KPNA2: variants seen among roughly 807,000 people sequenced by gnomAD.
KPNA2 encodes karyopherin subunit alpha 2.
In KPNA2, 20 loss-of-function variants were observed where a neutral mutation model predicts 53.7. The observed-to-expected ratio is 0.37, with a 90% CI of 0.26 to 0.54. The LOEUF (loss-of-function observed/expected upper bound fraction) is 0.54, where lower values mean the gene tolerates loss of function less well. Among genes scored for constraint, KPNA2 ranks in the 20% least tolerant of loss-of-function variants. The probability of loss-of-function intolerance (pLI) is 0.83; values close to 1 mark genes in which losing one functional copy is unlikely to be tolerated. For missense variants in KPNA2, 515 were observed against 640.3 expected (o/e 0.80, Z 2.11); for synonymous variants, 238 against 227.5 (o/e 1.05, Z -0.42).
intron 5 of KPNA2, 44 bp from the exon 6 acceptor site, chr17:68,042,861 C>G: frequency 8.4e-7 from 1 of 1,192,086 alleles, no homozygotes; most frequent in South Asian, 1.3e-5. Flanking sequence ...GAAACTCCGT[C>G]TCAAAAAAAA....
intron 4 of KPNA2, 83 bp from the exon 5 acceptor site, chr17:68,042,002 G>T: frequency 2.5e-6 from 3 of 1,220,356 alleles, no homozygotes; most frequent in South Asian, 2.9e-5. Context: ...CTAAACTCTT[G>T]AATTGCATTT....
chr17:68,040,596 A>G, intron 3 of KPNA2, 82 bp from the exon 4 acceptor site: 3 of 901,908 alleles, frequency 3.3e-6, no homozygotes, highest in Non-Finnish European at 5.5e-6. Flanking sequence ...CGATGTTTAC[A>G]CTTGCCTTCA....
intron 3 of KPNA2, among the ~76,000 whole-genome samples, chr17:68,040,272 T>G (rs960817398): frequency 1.5e-4 from 23 of 150,536 alleles, no homozygotes; most frequent in Admixed American, 5.9e-4. Flanking sequence ...TTTTTTTTTT[T>G]TTTTTTTTTT....
At chr17:68,043,420 G>A in intron 7 of KPNA2, 57 bp downstream of exon 7, 1 of 1,552,642 alleles carries the variant, frequency 6.4e-7, no homozygotes, top group Non-Finnish European at 8.8e-7. Flanking sequence ...TCAGGGCTGG[G>A]CGTGGTAGTG....
chr17:68,042,607 G>T (rs750500137), intron 5 of KPNA2, among the ~76,000 whole-genome samples: 1 of 152,184 alleles, frequency 6.6e-6, no homozygotes, highest in East Asian at 1.9e-4. Context: ...CCTCGGCCGG[G>T]CATGGTGGCT....
intron 9 of KPNA2, among the ~76,000 whole-genome samples, chr17:68,045,228 C>A (rs2071314396): frequency 6.6e-6 from 1 of 151,928 alleles, no homozygotes; most frequent in Non-Finnish European, 1.5e-5. Context: ...TGAAGCAAAT[C>A]TGTTTTTTTC....
intron 3 of KPNA2, among the ~76,000 whole-genome samples, chr17:68,038,407 G>C (rs187804980): frequency 6.6e-6 from 1 of 152,068 alleles, no homozygotes; most frequent in African/African-American, 2.4e-5. Context: ...GGCCCTTCCC[G>C]TTTTTGGTTT....
rs2071331901 is a variant in KPNA2, at chr17:68,046,443, G to A, written c.1498-61G>A. ...ACCTAGAGATTAAATACAGACTTCA[G>A]GTAGGCTGCTGCTTGGAATACTTAT... is the stretch of plus-strand genomic sequence containing the variant. On this transcript the variant is annotated intron_variant, in intron 10 of 10. Coordinates refer to ENST00000330459, the MANE Select transcript of KPNA2 (RefSeq NM_002266.4). 6 of 1,000,916 alleles carry A rather than the reference G, an allele frequency of 6.0e-6. No individual in the cohort carries two copies. In the Admixed American group the frequency reaches 1.1e-4, roughly 19 times the overall value. 62.0% of individuals were successfully genotyped at this position (1,000,916 alleles called of 1,614,324 possible). A position where few individuals can be genotyped will look rare whatever the true frequency, so the allele number is the denominator to read the frequency against.
chr17:68,045,766 T>G lies in KPNA2; in HGVS notation c.1348-6T>G, dbSNP rs1555705316. ...GCCAGTAAACTTGGATTTTTTTTTT[T>G]TTTAGGCTGCTGAGAAACTAGGTGA... On this transcript the variant is annotated splice_polypyrimidine_tract_variant and splice_region_variant and intron_variant, in intron 9 of 10. Coordinates refer to ENST00000330459, the MANE Select transcript of KPNA2 (RefSeq NM_002266.4). 2 of 1,538,978 alleles carry G rather than the reference T, an allele frequency of 1.3e-6. No individual in the cohort carries two copies. Among genetic ancestry groups the G allele is most frequent in the South Asian group, 2.5e-5 (2 of 80,338 alleles).
chr17:68,036,444 C>G (rs1555703762), intron 1 of KPNA2: 1 of 152,216 alleles, frequency 6.6e-6, no homozygotes, highest in African/African-American at 2.4e-5. Context: ...AATGATGAAG[C>G]AAATTTTTAT....
At chr17:68,036,849 G>A (rs1427374193) in intron 1 of KPNA2, 3 of 277,190 alleles carry the variant, frequency 1.1e-5, no homozygotes, top group Admixed American at 5.4e-5. Flanking sequence ...TAAAAATATG[G>A]CTACTAGGAA....
At chr17:68,038,207 C>G (rs2071213685) in intron 3 of KPNA2, among the ~76,000 whole-genome samples, 1 of 152,156 alleles carries the variant, frequency 6.6e-6, no homozygotes, top group African/African-American at 2.4e-5. Context: ...GATCTCCTGA[C>G]CTCGTGATCC....
In KPNA2 at chr17:68,038,851, C is replaced by T. The variant is rs189038178; in HGVS notation, c.213+1356C>T. On this transcript the variant is annotated intron_variant, in intron 3 of 10. Coordinates refer to ENST00000330459, the MANE Select transcript of KPNA2 (RefSeq NM_002266.4). ...TAGGCAACATAGGAAGACCTCGTCTCTATAAAAAGTAAAGTTAGCTGGGTG... is the reference window on the plus strand; with the variant it reads ...TAGGCAACATAGGAAGACCTCGTCTTTATAAAAAGTAAAGTTAGCTGGGTG... 2.0e-5 allele frequency among the ~76,000 whole-genome samples: 3 copies of T among 152,294 alleles called. 1 individual carries two copies. Among genetic ancestry groups the T allele is most frequent in the Non-Finnish European group, 4.4e-5 (3 of 68,014 alleles).
chr17:68,042,047 C>T (rs746342596), intron 4 of KPNA2, 38 bp from the exon 5 acceptor site: 1 of 1,553,114 alleles, frequency 6.4e-7, no homozygotes, highest in Non-Finnish European at 8.8e-7. Context: ...TTTTGTTAAT[C>T]ACTGTCAACT....
chr17:68,042,274 C>A lies in KPNA2; in HGVS notation c.492C>A (p.Ile164=). 1 of 1,614,120 alleles carries A rather than the reference C, an allele frequency of 6.2e-7. No individual in the cohort carries two copies. Residue 164 remains isoleucine (I), a synonymous_variant, in exon 5 of 11, where the codon ATC becomes ATA. Coordinates refer to ENST00000330459, the MANE Select transcript of KPNA2 (RefSeq NM_002266.4). ...QTKAVVDGGA[I]PAFISLLASP... ...AGGCTGTGGTAGATGGAGGTGCCAT[C>A]CCAGCATTCATTTCTCTGTTGGCAT...
Position 68,043,336 on chromosome 17 carries a change from T to C in KPNA2, c.903T>C (p.Leu301=). 1 of 1,614,090 alleles carries C rather than the reference T, an allele frequency of 6.2e-7. No individual in the cohort carries two copies. Among genetic ancestry groups the C allele is most frequent in the East Asian group, 2.2e-5 (1 of 44,884 alleles). The stretch of plus-strand genomic sequence containing the variant: ...GAGTTGTGCCCCAACTTGTGAAGCT[T>C]CTAGGAGCTTCTGAATTGCCAATTG... The part of the protein sequence containing the change: ...KTGVVPQLVK[L]LGASELPIVT... The change falls in exon 7 of 11, where the codon CTT becomes CTC. Residue 301 remains leucine (L), a synonymous_variant. Coordinates refer to ENST00000330459, the MANE Select transcript of KPNA2 (RefSeq NM_002266.4).
At chr17:68,039,020 T>G (rs1244138730) in intron 3 of KPNA2, among the ~76,000 whole-genome samples, 1 of 152,038 alleles carries the variant, frequency 6.6e-6, no homozygotes, top group Non-Finnish European at 1.5e-5. Context: ...CTCTAAGAAA[T>G]CCCTACTCTA....
At position 68,040,784 on chromosome 17, in the gene KPNA2, T is replaced by C. The variant is rs1378182313; in HGVS notation, c.302+18T>C. Reference sequence around the variant, plus strand: ...GCTGCCAGGTAAGTCTTGTCTGCGATAGCATGGGTAGCCTAAGAAATTTGT... The same window carrying C: ...GCTGCCAGGTAAGTCTTGTCTGCGACAGCATGGGTAGCCTAAGAAATTTGT... On this transcript the variant is annotated intron_variant, in intron 4 of 10. Transcript: ENST00000330459. The C allele has an allele frequency of 2.6e-6, 4 of 1,517,438 alleles. No individual in the cohort carries two copies. The highest frequency in any genetic ancestry group is 2.8e-5 in the African/African-American group (2 of 72,214). The allele number at this position is 1,517,438 out of a possible 1,614,324, so 94.0% of individuals were successfully genotyped here.
Position 68,046,557 on chromosome 17 carries a change from C to A in KPNA2, c.1551C>A (p.Phe517Leu), listed in dbSNP as rs1235134463. The change falls in exon 11 of 11, where the codon TTC becomes TTA. Residue 517 changes from phenylalanine (F) to leucine (L), a missense_variant. By Grantham distance (22) the Phe-to-Leu change is conservative (BLOSUM62 0). Coordinates refer to ENST00000330459, the MANE Select transcript of KPNA2 (RefSeq NM_002266.4). ...AAACTACCTCTGAAGGCTACACTTT[C>A]CAAGTTCAGGATGGGGCTCCTGGGA... ...VPETTSEGYTFQVQDGAPGTF... is the reference protein window; with the variant it reads ...VPETTSEGYTLQVQDGAPGTF... 2 of 1,612,142 alleles carry A rather than the reference C, an allele frequency of 1.2e-6. No individual in the cohort carries two copies. Among genetic ancestry groups the A allele is most frequent in the African/African-American group, 1.3e-5 (1 of 74,880 alleles).
Sources: gnomAD v4.1 joint callset for allele counts (sites outside exome capture counted in the v4.1 genomes callset) on GRCh38, gnomAD v4.1.1 for gene constraint, MANE v1.5 for transcripts, NCBI Gene and HGNC (gene_info 2026-07-23, HGNC 2026-07-21) for gene names.